MTERF4: variants seen among roughly 807,000 people sequenced by gnomAD.
MTERF4 encodes the protein transcription termination factor 4, mitochondrial.
A neutral mutation model predicts 22.5 loss-of-function variants in MTERF4; 17 were observed. That is an observed-to-expected ratio of 0.75 (90% CI 0.52 to 1.13). The LOEUF is 1.13. MTERF4 is among the 50% of genes most tolerant of loss of function. The probability of loss-of-function intolerance (pLI) is 0.00; values close to 1 mark genes in which losing one functional copy is unlikely to be tolerated. For synonymous variants in MTERF4, 165 were observed against 175.3 expected (o/e 0.94, Z 0.47); for missense variants, 420 against 466.8 (o/e 0.90, Z 0.92).
At chr2:241,060,372 G>A in the MTERF4 span, among the ~76,000 whole-genome samples, 2 of 152,090 alleles carry the variant, frequency 1.3e-5, no homozygotes, top group Non-Finnish European at 2.9e-5. Flanking sequence ...TAATAGAGAC[G>A]GGGTTTCACC....
chr2:241,097,311 T>A lies in MTERF4; in HGVS notation c.637A>T (p.Thr213Ser). 1 of 1,614,222 alleles carries A rather than the reference T, an allele frequency of 6.2e-7. No individual in the cohort carries two copies. The change falls in exon 3 of 4, where the codon ACC (threonine) becomes TCC (serine). Residue 213 changes from threonine (T) to serine (S), a missense_variant. By Grantham distance (58) the Thr-to-Ser change is moderately conservative (BLOSUM62 1). Coordinates refer to ENST00000391980, the MANE Select transcript of MTERF4 (RefSeq NM_182501.4). ...GAGGGGCAACTGTGCAAAATCTTGGTGACTTGCTGTACCGTGAAAAGGCAC... is the reference window on the plus strand; with the variant it reads ...GAGGGGCAACTGTGCAAAATCTTGGAGACTTGCTGTACCGTGAAAAGGCAC... The part of the protein sequence containing the change: ...EKCLFTVQQV[T>S]KILHSCPSVL...
At chr2:241,061,975 G>A in the MTERF4 span, among the ~76,000 whole-genome samples, 5 of 152,300 alleles carry the variant, frequency 3.3e-5, no homozygotes, top group South Asian at 1.0e-3. Context: ...TTATTCAGCA[G>A]TGAAAATCTA....
intron 4 of MTERF4, among the ~76,000 whole-genome samples, chr2:241,079,767 T>G (rs996214993): frequency 6.6e-6 from 1 of 152,220 alleles, no homozygotes; most frequent in Non-Finnish European, 1.5e-5. Context: ...CAAGCGATTT[T>G]AATAAGAGTA....
Position 241,096,302 on chromosome 2 carries a change from C to T in MTERF4, c.842G>A (p.Gly281Glu). 1 of 1,614,118 alleles carries T rather than the reference C, an allele frequency of 6.2e-7. No individual in the cohort carries two copies. The highest frequency in any genetic ancestry group is 8.5e-7 in the Non-Finnish European group (1 of 1,180,028). The stretch of plus-strand genomic sequence containing the variant: ...CAATGGGTTAGGGATCTGTGTCTGC[C>T]CCTTCTTATCAGGGGTTTGGTACCG... ...LGRYQTPDKKGQTQIPNPLLK... is the reference protein window; with the variant it reads ...LGRYQTPDKKEQTQIPNPLLK... Residue 281 changes from glycine (G) to glutamate (E), a missense_variant, in exon 4 of 4, where the codon GGG (glycine) becomes GAG (glutamate). Coordinates refer to ENST00000391980, the MANE Select transcript of MTERF4 (RefSeq NM_182501.4). This position sits in a 1 kb window ranked among gnomAD's most constrained non-coding sequence, Gnocchi z 5.1.
At chr2:241,090,876 A>G (rs1361134975), downstream of MTERF4, among the ~76,000 whole-genome samples, 1 of 150,390 alleles carries the variant, frequency 6.6e-6, no homozygotes, top group Non-Finnish European at 1.5e-5. Flanking sequence ...CTCAAAAAAA[A>G]AAAAAAAAGA....
chr2:241,079,867 TA>T (rs2063245348), intron 4 of MTERF4, among the ~76,000 whole-genome samples: 2 of 152,348 alleles, frequency 1.3e-5, no homozygotes, highest in South Asian at 4.1e-4. Context: ...ATGTTAGTAG[TA>T]ATACCTGAAT....
the MTERF4 span, among the ~76,000 whole-genome samples, chr2:241,052,690 CGGGG>C: frequency 7.0e-3 from 7 of 998 alleles, no homozygotes; most frequent in Non-Finnish European, 0.014. Flanking sequence ...AGAGGGTCGG[CGGGG>C]GGGGGGGGGG....
the MTERF4 span, among the ~76,000 whole-genome samples, chr2:241,056,157 C>A: frequency 6.6e-6 from 1 of 151,882 alleles, no homozygotes; most frequent in African/African-American, 2.4e-5. Flanking sequence ...GAAAAATTTT[C>A]TTTATGTTAA....
intron 4 of MTERF4, among the ~76,000 whole-genome samples, chr2:241,078,282 C>A (rs1374070440): frequency 6.6e-6 from 1 of 150,840 alleles, no homozygotes; most frequent in Non-Finnish European, 1.5e-5. Context: ...CCTCAGGAGG[C>A]TGAGGCAGGA....
downstream of MTERF4, chr2:241,071,663 C>T (rs1026072777): frequency 4.5e-5 from 70 of 1,563,502 alleles, no homozygotes; most frequent in African/African-American, 6.1e-4. Context: ...GCGCGCCTGC[C>T]GGAGCTGCGC....
At chr2:241,088,223 G>GTCTGGACTT, downstream of MTERF4, 1 of 687,616 alleles carries the variant, frequency 1.5e-6, no homozygotes, top group Non-Finnish European at 2.7e-6. Flanking sequence ...CCACAGCGGT[G>GTCTGGACTT]TCTGGACTAA....
At chr2:241,102,051 C>CA (rs10650274) in intron 1 of MTERF4, 300,412 of 545,530 alleles carry the variant, frequency 0.55, 44,589 homozygotes, top group African/African-American at 0.67. Context: ...GACTTTGTCT[C>CA]AAAAAAAAAA....
chr2:241,096,127 C>T lies in MTERF4; in HGVS notation c.1017G>A (p.Leu339=). The part of the protein sequence containing the change: ...SSTSDDKRAS[L]DEDEDDDDEE... ...CATCATCGTCATCCTCATCCTCATCCAGACTTGCCCTTTTGTCATCAGATG... is the reference window on the plus strand; with the variant it reads ...CATCATCGTCATCCTCATCCTCATCTAGACTTGCCCTTTTGTCATCAGATG... The change falls in exon 4 of 4, where the codon CTG becomes CTA. Residue 339 remains leucine, a synonymous_variant. Coordinates refer to ENST00000391980, the MANE Select transcript of MTERF4 (RefSeq NM_182501.4). This position sits in a 1 kb window ranked among gnomAD's most constrained non-coding sequence, Gnocchi z 5.1. 1 of 1,614,042 alleles carries T rather than the reference C, an allele frequency of 6.2e-7. No individual in the cohort carries two copies. Among genetic ancestry groups the T allele is most frequent in the Non-Finnish European group, 8.5e-7 (1 of 1,180,024 alleles).
intron 3 of MTERF4, 56 bp downstream of exon 3, chr2:241,097,187 C>CA (rs768916743): frequency 1.9e-6 from 3 of 1,584,784 alleles, no homozygotes; most frequent in Non-Finnish European, 2.6e-6. Flanking sequence ...ACGCTAATCC[C>CA]ATTACCAGTC....
chr2:241,085,644 T>C (rs777966916), downstream of MTERF4, among the ~76,000 whole-genome samples: 3 of 152,160 alleles, frequency 2.0e-5, no homozygotes, highest in African/African-American at 4.8e-5. Context: ...TTGAATGTCT[T>C]ATAGTTTTTT....
At chr2:241,072,896 G>T in exon 5 of MTERF4, 1 of 293,888 alleles carries the variant, frequency 3.4e-6, no homozygotes, top group South Asian at 7.2e-5. Flanking sequence ...AGAGCAGGGG[G>T]TGCCACAGCC....
downstream of MTERF4, among the ~76,000 whole-genome samples, chr2:241,070,499 C>A (rs577347879): frequency 1.6e-4 from 25 of 152,344 alleles, no homozygotes; most frequent in Non-Finnish European, 3.1e-4. Context: ...AAAACGGGTG[C>A]CGAGGGTGGC....
At chr2:241,051,965 G>A in the MTERF4 span, 1 of 1,499,534 alleles carries the variant, frequency 6.7e-7, no homozygotes, top group Admixed American at 1.9e-5. This position sits in a 1 kb window ranked among gnomAD's most constrained non-coding sequence, Gnocchi z 4.7. Context: ...TTCTCATGAA[G>A]AGGCCCCAGC....
At chr2:241,101,050 T>A in intron 1 of MTERF4, 1 of 415,926 alleles carries the variant, frequency 2.4e-6, no homozygotes, top group Admixed American at 2.5e-5. Context: ...GAAGACAATT[T>A]TTCCACAGAC....
Sources: gnomAD v4.1 joint callset for allele counts (sites outside exome capture counted in the v4.1 genomes callset) on GRCh38, gnomAD v4.1.1 for gene constraint, Gnocchi (gnomAD v3.1) non-coding constraint, MANE v1.5 for transcripts, NCBI Gene and HGNC (gene_info 2026-07-23, HGNC 2026-07-21) for gene names.